The following P4HA3 variants were observed in gnomAD, a reference collection of about 807,000 sequenced individuals.
The protein encoded by P4HA3 is prolyl 4-hydroxylase subunit alpha-3.
Under a neutral mutation model 66.7 loss-of-function variants are expected in P4HA3, and 60 were observed. That is an observed-to-expected ratio of 0.90 (90% CI 0.73 to 1.12). The LOEUF is 1.12. Among genes scored for constraint, P4HA3 ranks in the 50% most tolerant of loss-of-function variants. The pLI is 0.00. For synonymous variants in P4HA3, 263 were observed against 274.6 expected (o/e 0.96, Z 0.42); for missense variants, 683 against 685.8 (o/e 1.00, Z 0.05).
At chr11:74,254,531 T>A (rs1189781992) in intron 15 of P4HA3, 1 of 153,086 alleles carries the variant, frequency 6.5e-6, no homozygotes, top group Non-Finnish European at 1.5e-5. Flanking sequence ...GAAGGGGCAG[T>A]GTCCTGAAGC....
At chr11:74,255,704 G>A (rs1334005904) in intron 15 of P4HA3, among the ~76,000 whole-genome samples, 1 of 152,200 alleles carries the variant, frequency 6.6e-6, no homozygotes, top group Admixed American at 6.5e-5. Context: ...ATTCAGGGCC[G>A]TCTGTGGGCC....
At chr11:74,271,408 A>T (rs943128841) in intron 10 of P4HA3, among the ~76,000 whole-genome samples, 6 of 152,226 alleles carry the variant, frequency 3.9e-5, no homozygotes, top group African/African-American at 1.4e-4. Flanking sequence ...CCAACACATT[A>T]AAAAGAAAAT....
chr11:74,281,000 G>T (rs1860573109), intron 7 of P4HA3, among the ~76,000 whole-genome samples: 1 of 151,938 alleles, frequency 6.6e-6, no homozygotes, highest in Admixed American at 6.6e-5. Flanking sequence ...CTAATATCCA[G>T]AATCTACAAT....
chr11:74,310,729 G>C (rs1304994845), intron 1 of P4HA3, among the ~76,000 whole-genome samples: 4 of 152,186 alleles, frequency 2.6e-5, no homozygotes, highest in Non-Finnish European at 5.9e-5. Flanking sequence ...ATAGCGACCT[G>C]TACAGTTACT....
At chr11:74,257,471 T>C (rs1041988827) in intron 15 of P4HA3, among the ~76,000 whole-genome samples, 1 of 150,862 alleles carries the variant, frequency 6.6e-6, no homozygotes, top group African/African-American at 2.4e-5. Context: ...AAAGTGGAGG[T>C]GGAGGAGGAA....
At chr11:74,303,999 T>A (rs931680561) in intron 2 of P4HA3, among the ~76,000 whole-genome samples, 5 of 152,182 alleles carry the variant, frequency 3.3e-5, no homozygotes, top group Non-Finnish European at 7.3e-5. Context: ...TTATTTTCTA[T>A]ACATATATAA....
intron 15 of P4HA3, among the ~76,000 whole-genome samples, chr11:74,256,418 G>A (rs886092368): frequency 7.9e-5 from 12 of 152,182 alleles, no homozygotes; most frequent in Admixed American, 2.0e-4. Flanking sequence ...CCAATTTAAA[G>A]GCAAGGAAGC....
intron 11 of P4HA3, 99 bp from the exon 12 acceptor site, chr11:74,268,340 C>T (rs556934545): frequency 4.0e-6 from 4 of 993,332 alleles, no homozygotes; most frequent in Admixed American, 1.8e-5. Context: ...ATTGAAGAAG[C>T]CTTTCCATGC....
intron 7 of P4HA3, among the ~76,000 whole-genome samples, chr11:74,284,934 G>A (rs976086684): frequency 1.3e-5 from 2 of 152,106 alleles, no homozygotes; most frequent in African/African-American, 4.8e-5. Flanking sequence ...TTGAAGCCCT[G>A]CACCTTCGTT....
At chr11:74,268,990 G>A (rs1860093520) in intron 11 of P4HA3, among the ~76,000 whole-genome samples, 1 of 152,216 alleles carries the variant, frequency 6.6e-6, no homozygotes, top group Non-Finnish European at 1.5e-5. Context: ...AAGCTCCTGA[G>A]TATTCAGAGA....
At chr11:74,302,684 T>C in intron 2 of P4HA3, 92 bp from the exon 3 acceptor site, 1 of 1,176,600 alleles carries the variant, frequency 8.5e-7, no homozygotes, top group Non-Finnish European at 1.2e-6. Context: ...TTCAAATATT[T>C]AATGACATCA....
At chr11:74,303,855 A>G (rs1227036580) in intron 2 of P4HA3, among the ~76,000 whole-genome samples, 2 of 152,162 alleles carry the variant, frequency 1.3e-5, no homozygotes, top group East Asian at 3.9e-4. Flanking sequence ...AAGTGCTGCA[A>G]TACAGGTGTG....
intron 7 of P4HA3, among the ~76,000 whole-genome samples, chr11:74,282,336 C>T (rs1860636272): frequency 6.6e-6 from 1 of 152,166 alleles, no homozygotes; most frequent in Non-Finnish European, 1.5e-5. Context: ...GTCCCTGCCC[C>T]TAAGACATCT....
At chr11:74,273,472 A>G in intron 10 of P4HA3, 73 bp downstream of exon 10, 1 of 1,306,772 alleles carries the variant, frequency 7.7e-7, no homozygotes, top group South Asian at 2.1e-5. Flanking sequence ...AATACGTGAA[A>G]TTGCTTTGAA....
Position 74,289,101 on chromosome 11 carries a change from G to A in P4HA3, c.747C>T (p.Leu249=). 2 of 1,580,974 alleles carry A rather than the reference G, an allele frequency of 1.3e-6. No individual in the cohort carries two copies. The highest frequency in any genetic ancestry group is 8.6e-7 in the Non-Finnish European group (1 of 1,166,312). ...RAGNVSCALS[L]SREFLLYSPD... ...TACTGTAGAGAAGAAACTCCCGAGA[G>A]AGGCTGAGGGCACACGAAACATTTC... Residue 249 remains leucine (L), a synonymous_variant, in exon 5 of 13, where the codon CTC becomes CTT. Transcript: ENST00000331597.
chr11:74,296,934 CT>C (rs540922878), intron 4 of P4HA3, among the ~76,000 whole-genome samples: 166 of 123,908 alleles, frequency 1.3e-3, no homozygotes, highest in Non-Finnish European at 1.6e-3. Context: ...TTCTTTTTTT[CT>C]TTTTTTTTTT....
intron 9 of P4HA3, 84 bp from the exon 10 acceptor site, chr11:74,273,691 A>C (rs1591094317): frequency 9.1e-7 from 1 of 1,097,694 alleles, no homozygotes; most frequent in East Asian, 2.8e-5. Flanking sequence ...ATACAAATAG[A>C]AGTAAAATGG....
intron 7 of P4HA3, among the ~76,000 whole-genome samples, chr11:74,281,474 T>C (rs1388197367): frequency 2.0e-5 from 3 of 152,104 alleles, no homozygotes; most frequent in African/African-American, 4.8e-5. Flanking sequence ...GGAACCAACC[T>C]AAATGTCCAA....
At chr11:74,268,292 C>T (rs1420883390) in intron 11 of P4HA3, 51 bp from the exon 12 acceptor site, 4 of 1,459,150 alleles carry the variant, frequency 2.7e-6, no homozygotes, top group Non-Finnish European at 3.8e-6. Flanking sequence ...AACCTCAGTC[C>T]TCGGGAAGCA....
Sources: allele counts gnomAD v4.1 joint callset (sites outside exome capture counted in the v4.1 genomes callset), GRCh38; gene constraint gnomAD v4.1.1; transcripts MANE v1.5; gene names NCBI Gene and HGNC (gene_info 2026-07-23, HGNC 2026-07-21).